CFAP46: variants seen among roughly 807,000 people sequenced by gnomAD.
CFAP46 encodes cilia and flagella associated protein 46.
A neutral mutation model predicts 325.7 loss-of-function variants in CFAP46; 245 were observed. The observed-to-expected ratio is 0.75, with a 90% CI of 0.68 to 0.84. The LOEUF (loss-of-function observed/expected upper bound fraction) is 0.84. Among genes scored for constraint, CFAP46 ranks in the 40% least tolerant of loss-of-function variants. The pLI, the probability that CFAP46 is intolerant of heterozygous loss-of-function variation, is 0.00. For missense variants in CFAP46, 3,346 were observed against 3,543.0 expected, an observed-to-expected ratio of 0.94 and a Z score of 1.41; for synonymous variants, 1,523 against 1,495.9, an observed-to-expected ratio of 1.02 and a Z score of -0.42.
chr10:132,913,198 G>A lies in CFAP46; in HGVS notation c.2181C>T (p.Ile727=), dbSNP rs556772478. 46 of 1,550,478 alleles carry A rather than the reference G, an allele frequency of 3.0e-5. No individual in the cohort carries two copies. The highest frequency in any genetic ancestry group is 2.7e-4 in the South Asian group (23 of 84,064). ...TCCACGCCTCCTGGATCTCCTGTCCGATCTCTGCGGAGCGCAGCCAGTTAT... is the reference window on the plus strand; with the variant it reads ...TCCACGCCTCCTGGATCTCCTGTCCAATCTCTGCGGAGCGCAGCCAGTTAT... The part of the protein sequence containing the change: ...AMNNWLRSAE[I]GQEIQEAWIV... Residue 727 remains isoleucine (I), a synonymous_variant, in exon 18 of 58, where the codon ATC becomes ATT. Coordinates refer to ENST00000368586, the MANE Select transcript of CFAP46 (RefSeq NM_001200049.3).
intron 24 of CFAP46, among the ~76,000 whole-genome samples, chr10:132,895,648 A>G (rs1230004144): frequency 1.3e-5 from 2 of 152,254 alleles, no homozygotes; most frequent in Non-Finnish European, 2.9e-5. Context: ...TCAACACACA[A>G]CAATCAGCTG....
At chr10:132,821,489 GTGC>G (rs1345543325) in intron 50 of CFAP46, among the ~76,000 whole-genome samples, 1 of 144,420 alleles carries the variant, frequency 6.9e-6, no homozygotes, top group African/African-American at 2.7e-5. Flanking sequence ...TGCTGTGTGA[GTGC>G]TGATGTGTGC....
chr10:132,941,610 G>T lies in CFAP46; in HGVS notation c.287C>A (p.Pro96Gln), dbSNP rs1384862715. The T allele has an allele frequency of 6.2e-7, 1 of 1,613,256 alleles. No homozygotes were observed. Among genetic ancestry groups the T allele is most frequent in the African/African-American group, 1.3e-5 (1 of 74,898 alleles). Residue 96 changes from proline to glutamine, a missense_variant, in exon 3 of 58, where the codon CCG becomes CAG. Transcript: ENST00000368586. ...TCTCACCAGGTTTTCTGCCGACTTC[G>T]GGGCACACATCTGGGCCCTGCACAG... ...AHLCRAQMCAPKSAENLEEFE... is the reference protein window; with the variant it reads ...AHLCRAQMCAQKSAENLEEFE...
intron 50 of CFAP46, among the ~76,000 whole-genome samples, chr10:132,825,000 GAT>G (rs1848013037): frequency 7.2e-6 from 1 of 138,190 alleles, no homozygotes; most frequent in African/African-American, 2.7e-5. Context: ...TGTGTGTGCT[GAT>G]GTGTGCTGAT....
chr10:132,937,026 C>G lies in CFAP46; in HGVS notation c.690G>C (p.Gln230His), dbSNP rs1850018759. ...MVRHELMDEL[Q>H]LKEEKKNSIS... ...TGGAATTTTTCTTTTCTTCCTTTAA[C>G]TGAAGTTCGTCCATTAATTCATGAC... Residue 230 changes from glutamine (Q) to histidine (H), a missense_variant, in exon 7 of 58, where the codon CAG (glutamine) becomes CAC (histidine). By Grantham distance (24) the Gln-to-His change is conservative. Coordinates refer to ENST00000368586, the MANE Select transcript of CFAP46 (RefSeq NM_001200049.3). 6.5e-7 allele frequency: 1 copy of G among 1,530,474 alleles called. No homozygotes were observed. The highest frequency in any genetic ancestry group is 8.9e-7 in the Non-Finnish European group (1 of 1,127,960). The allele number at this position is 1,530,474 out of a possible 1,614,324, so 94.8% of individuals were successfully genotyped here. A position where few individuals can be genotyped will look rare whatever the true frequency, so the allele number is the denominator to read the frequency against.
At position 132,924,784 on chromosome 10, in the gene CFAP46, T is replaced by C. The variant is rs754646497; in HGVS notation, c.1168A>G (p.Thr390Ala). 1 of 1,527,142 alleles carries C rather than the reference T, an allele frequency of 6.5e-7. No individual in the cohort carries two copies. The highest frequency in any genetic ancestry group is 8.8e-7 in the Non-Finnish European group (1 of 1,137,032). 94.6% of individuals were successfully genotyped at this position (1,527,142 alleles called of 1,614,324 possible). ...IHVVCATQWN[T>A]CLPLLQHNLR... The stretch of plus-strand genomic sequence containing the variant: ...TTGTGCTGCAGCAGGGGCAGGCAGG[T>C]GTTCCACTGCGTGGCGCACACCACG... The change falls in exon 11 of 58, where the codon ACC (threonine) becomes GCC (alanine). Residue 390 changes from threonine (T) to alanine (A), a missense_variant. Coordinates refer to ENST00000368586, the MANE Select transcript of CFAP46 (RefSeq NM_001200049.3).
intron 44 of CFAP46, among the ~76,000 whole-genome samples, chr10:132,837,266 C>T (rs1848267684): frequency 1.3e-5 from 2 of 152,250 alleles, no homozygotes; most frequent in African/African-American, 4.8e-5. Flanking sequence ...CCTTTCCCTC[C>T]ATCCTTCTGT....
At chr10:132,904,638 C>T (rs543008404) in intron 22 of CFAP46, among the ~76,000 whole-genome samples, 2 of 152,326 alleles carry the variant, frequency 1.3e-5, no homozygotes, top group East Asian at 1.9e-4. Context: ...TGTTGTGTGC[C>T]GCTCTGCCCT....
rs766312477 is a variant in CFAP46, at chr10:132,867,513, G to T, written c.4611-6C>A. ...ACGCGATCTCTTTTCTGCAGCTAATGCGAGGAAAACAGACAATACGCAAGA... is the reference window on the plus strand; with the variant it reads ...ACGCGATCTCTTTTCTGCAGCTAATTCGAGGAAAACAGACAATACGCAAGA... On this transcript the variant is annotated splice_polypyrimidine_tract_variant and splice_region_variant and intron_variant, in intron 33 of 57. Transcript: ENST00000368586. 2.6e-6 allele frequency: 4 copies of T among 1,549,380 alleles called. No homozygotes were observed. Among genetic ancestry groups the T allele is most frequent in the East Asian group, 4.9e-5 (2 of 40,922 alleles).
intron 50 of CFAP46, among the ~76,000 whole-genome samples, chr10:132,824,311 T>TGA (rs1263962215): frequency 5.0e-5 from 7 of 141,058 alleles, no homozygotes; most frequent in South Asian, 2.4e-4. Flanking sequence ...GTGTGCTGTG[T>TGA]GTGCACTGAT....
Position 132,869,638 on chromosome 10 carries a change from G to A in CFAP46, c.4512-266C>T, listed in dbSNP as rs1451452009. On this transcript the variant is annotated intron_variant, in intron 32 of 57. Coordinates refer to ENST00000368586, the MANE Select transcript of CFAP46 (RefSeq NM_001200049.3). The surrounding 1 kb of genome is among the most constrained non-coding windows in gnomAD (Gnocchi z 6.2). ...TTGCCTCCTGGACGCCGTCCGAGGA[G>A]AAGAGGAGGCCCTCAGGTGGGCTCA... is the stretch of plus-strand genomic sequence containing the variant. Among the ~76,000 whole-genome samples, 2 of 152,188 alleles carry A rather than the reference G, an allele frequency of 1.3e-5. No individual in the cohort carries two copies. The highest frequency in any genetic ancestry group is 2.4e-5 in the African/African-American group (1 of 41,436).
At chr10:132,823,490 T>C (rs1847939807) in intron 50 of CFAP46, among the ~76,000 whole-genome samples, 1 of 133,980 alleles carries the variant, frequency 7.5e-6, no homozygotes, top group Non-Finnish European at 1.6e-5. Flanking sequence ...GTGTGCTGTG[T>C]GCTGATGTGT....
At chr10:132,862,276 CG>C (rs1337221773) in intron 35 of CFAP46, among the ~76,000 whole-genome samples, 2 of 152,114 alleles carry the variant, frequency 1.3e-5, no homozygotes, top group Admixed American at 6.5e-5. Flanking sequence ...AAGGGTCCAA[CG>C]GGGCCGGGCC....
chr10:132,834,245 T>A (rs1848200626), intron 48 of CFAP46, 122 bp from the exon 49 acceptor site: 1 of 886,138 alleles, frequency 1.1e-6, no homozygotes, highest in East Asian at 2.6e-5. Context: ...CCACGCTCAC[T>A]TCTGGGGATG....
chr10:132,879,583 G>T lies in CFAP46; in HGVS notation c.3848C>A (p.Ala1283Asp). ...CTGCTCCAAGGACACCGCCTCCTCG[G>T]CCTCGGACACGGGGCTCCGTGGGGG... is the stretch of plus-strand genomic sequence containing the variant. ...EMPPRSPVSE[A>D]EEAVSLEQLR... is the part of the protein sequence containing the mutation. The change falls in exon 29 of 58, where the codon GCC (alanine) becomes GAC (aspartate). Residue 1283 changes from alanine to aspartate, a missense_variant. By Grantham distance (126) the Ala-to-Asp change is moderately radical. Coordinates refer to ENST00000368586, the MANE Select transcript of CFAP46 (RefSeq NM_001200049.3). 6.5e-7 allele frequency: 1 copy of T among 1,546,344 alleles called. No homozygotes were observed. The highest frequency in any genetic ancestry group is 8.7e-7 in the Non-Finnish European group (1 of 1,145,544).
chr10:132,853,121 G>A (rs753557917), intron 39 of CFAP46, among the ~76,000 whole-genome samples: 3 of 152,140 alleles, frequency 2.0e-5, no homozygotes, highest in African/African-American at 4.8e-5. Flanking sequence ...GCACATCCTC[G>A]TCTTCGTCCT....
At chr10:132,855,257 C>T (rs1475984603) in intron 39 of CFAP46, among the ~76,000 whole-genome samples, 2 of 152,222 alleles carry the variant, frequency 1.3e-5, no homozygotes, top group African/African-American at 4.8e-5. Flanking sequence ...ACTGGTTGAG[C>T]CGTTTGCACT....
Position 132,866,076 on chromosome 10 carries a change from G to A in CFAP46, c.4839C>T (p.Asn1613=), listed in dbSNP as rs1483077844. ...GGAGCAGCCGTGCAGGCTGGTACAG[G>A]TTCATCTCCAGCAGAACTTCTGCCT... ...MLKAEVLLEM[N]LYQPARLLLS... The change falls in exon 35 of 58, where the codon AAC becomes AAT. Residue 1613 remains asparagine, a synonymous_variant. Transcript: ENST00000368586. The A allele has an allele frequency of 3.2e-6, 5 of 1,547,118 alleles. No homozygotes were observed. Among genetic ancestry groups the A allele is most frequent in the African/African-American group, 2.7e-5 (2 of 73,068 alleles).
At chr10:132,837,339 G>A (rs1431727337) in intron 44 of CFAP46, among the ~76,000 whole-genome samples, 1 of 152,096 alleles carries the variant, frequency 6.6e-6, no homozygotes, top group Admixed American at 6.5e-5. Context: ...AGACACACAC[G>A]CGTGCACAGA....
Sources: gnomAD v4.1 joint callset for allele counts (sites outside exome capture counted in the v4.1 genomes callset) on GRCh38, gnomAD v4.1.1 for gene constraint, Gnocchi (gnomAD v3.1) non-coding constraint, MANE v1.5 for transcripts, NCBI Gene and HGNC (gene_info 2026-07-23, HGNC 2026-07-21) for gene names.